The following NAV2 variants were observed in gnomAD, a reference collection of about 807,000 sequenced individuals.
The protein encoded by NAV2 is neuron navigator 2.
In NAV2, 54 loss-of-function variants were observed where a neutral mutation model predicts 223.2. The observed-to-expected ratio is 0.24, with a 90% confidence interval of 0.19 to 0.30. The LOEUF (loss-of-function observed/expected upper bound fraction) is 0.30. NAV2 is among the 10% of genes least tolerant of loss of function. The pLI, the probability that NAV2 is intolerant of heterozygous loss-of-function variation, is 1.00. For missense variants in NAV2, 2,806 were observed against 3,147.5 expected (o/e 0.89, Z 2.60); for synonymous variants, 1,279 against 1,239.3 (o/e 1.03, Z -0.67).
At chr11:19,674,911 G>A (rs2048672850) in intron 1 of NAV2, among the ~76,000 whole-genome samples, 1 of 152,202 alleles carries the variant, frequency 6.6e-6, no homozygotes, top group Admixed American at 6.5e-5. Flanking sequence ...TCTGCAAAAT[G>A]GGGAAATAGT....
At chr11:19,411,218 A>G (rs1468567097) in intron 1 of NAV2, among the ~76,000 whole-genome samples, 1 of 152,106 alleles carries the variant, frequency 6.6e-6, no homozygotes, top group Non-Finnish European at 1.5e-5. Flanking sequence ...GGGGACTACC[A>G]CTGCATTAGC....
chr11:19,718,560 AG>A (rs1300449329), intron 1 of NAV2, among the ~76,000 whole-genome samples: 13 of 152,368 alleles, frequency 8.5e-5, no homozygotes, highest in African/African-American at 3.1e-4. Flanking sequence ...TGTTTTGATT[AG>A]AATCCTTGCT....
chr11:19,708,726 G>C (rs534358586), upstream of NAV2, among the ~76,000 whole-genome samples: 1 of 152,136 alleles, frequency 6.6e-6, no homozygotes, highest in African/African-American at 2.4e-5. Flanking sequence ...AGTCTCTTAG[G>C]ATGATTCAGT....
At chr11:19,817,834 A>C (rs756304413) in intron 1 of NAV2, among the ~76,000 whole-genome samples, 1 of 152,164 alleles carries the variant, frequency 6.6e-6, no homozygotes, top group Non-Finnish European at 1.5e-5. Context: ...CCTACTAGGA[A>C]GCGGAACTTG....
chr11:19,820,770 A>G (rs2896584), intron 1 of NAV2, among the ~76,000 whole-genome samples: 129,683 of 152,134 alleles, frequency 0.85, 55,751 homozygotes, highest in Admixed American at 0.91. Flanking sequence ...TGACAAGGGC[A>G]GCTCTAAATG....
At chr11:19,723,453 T>G (rs929504192) in intron 1 of NAV2, among the ~76,000 whole-genome samples, 7 of 152,166 alleles carry the variant, frequency 4.6e-5, no homozygotes, top group African/African-American at 1.7e-4. Flanking sequence ...ACCACTGCCT[T>G]CTTTTGCCAG....
rs76088545 is a variant in NAV2 at position 19,892,587 on chromosome 11, C to T, written c.924C>T (p.His308=). Residue 308 remains histidine, a synonymous_variant, in exon 6 of 38, where the codon CAC becomes CAT. Coordinates refer to ENST00000349880, the MANE Select transcript of NAV2 (RefSeq NM_145117.5). ...VTSPPPPPSS[H]EKEPLASSAS... ...CCCCACCCCCACCGCCAAGCAGCCACGAGAAAGGTGAGTCACCTTCTTGAG... is the reference window on the plus strand; with the variant it reads ...CCCCACCCCCACCGCCAAGCAGCCATGAGAAAGGTGAGTCACCTTCTTGAG... 356 of 1,613,568 alleles carry T rather than the reference C, an allele frequency of 2.2e-4. No individual in the cohort carries two copies. The African/African-American group carries it at 2.7e-3, about 12-fold the overall frequency.
At chr11:19,539,019 G>C (rs1456581643) in intron 1 of NAV2, among the ~76,000 whole-genome samples, 2 of 152,088 alleles carry the variant, frequency 1.3e-5, no homozygotes, top group Admixed American at 6.5e-5. Context: ...GTAAATGTTT[G>C]CTAACAGTAT....
chr11:19,483,015 T>C (rs2042327549), intron 1 of NAV2, among the ~76,000 whole-genome samples: 1 of 152,232 alleles, frequency 6.6e-6, no homozygotes, highest in Non-Finnish European at 1.5e-5. Flanking sequence ...CCACATCCCA[T>C]GTCTTAAAAT....
At chr11:19,572,450 C>T (rs1332029545) in intron 1 of NAV2, among the ~76,000 whole-genome samples, 1 of 152,176 alleles carries the variant, frequency 6.6e-6, no homozygotes, top group Non-Finnish European at 1.5e-5. Flanking sequence ...AACCTTTCGG[C>T]TTCAATATTT....
At position 20,048,944 on chromosome 11, in the gene NAV2, AG is replaced by A. The variant is rs1459446803; in HGVS notation, c.4120del (p.Ala1374ProfsTer68). ...QSPLASSPSS[A>X]HSAPSNSLTW... ...CTCCGCTAGCCTCCAGCCCCAGCTCAGCCCACTCGGCCCCTTCCAACAGCCT... is the reference window on the plus strand; with the variant it reads ...CTCCGCTAGCCTCCAGCCCCAGCTCACCCACTCGGCCCCTTCCAACAGCCT... On this transcript the variant is annotated frameshift_variant, in exon 15 of 38. Coordinates refer to ENST00000349880, the MANE Select transcript of NAV2 (RefSeq NM_145117.5). LOFTEE classifies it high-confidence loss of function. 6.2e-7 allele frequency: 1 copy of A among 1,614,196 alleles called. No homozygotes were observed. The highest frequency in any genetic ancestry group is 8.5e-7 in the Non-Finnish European group (1 of 1,180,026).
chr11:19,670,389 T>G (rs1455686952), intron 1 of NAV2, among the ~76,000 whole-genome samples: 1 of 152,202 alleles, frequency 6.6e-6, no homozygotes, highest in African/African-American at 2.4e-5. Context: ...CTGCTGCATC[T>G]CCGGGGACTC....
intron 11 of NAV2, among the ~76,000 whole-genome samples, chr11:20,028,252 C>T (rs2055308930): frequency 6.6e-6 from 1 of 152,174 alleles, no homozygotes; most frequent in Non-Finnish European, 1.5e-5. Context: ...TTTAAGCCCT[C>T]TGAGTGGCAT....
At chr11:19,988,486 A>G (rs2051006511) in intron 11 of NAV2, among the ~76,000 whole-genome samples, 1 of 152,210 alleles carries the variant, frequency 6.6e-6, no homozygotes, top group Non-Finnish European at 1.5e-5. Context: ...AACTTGAACA[A>G]AATGAAAATC....
intron 1 of NAV2, among the ~76,000 whole-genome samples, chr11:19,669,844 C>T (rs1455672294): frequency 6.6e-6 from 1 of 152,216 alleles, no homozygotes; most frequent in Non-Finnish European, 1.5e-5. Context: ...TGAGATGGGG[C>T]TCCTTCCTCC....
chr11:19,549,587 G>A (rs539135256), intron 1 of NAV2, among the ~76,000 whole-genome samples: 4 of 152,332 alleles, frequency 2.6e-5, no homozygotes, highest in Admixed American at 2.0e-4. Flanking sequence ...ATGGCAAATG[G>A]ACAGCTAATG....
intron 1 of NAV2, among the ~76,000 whole-genome samples, chr11:19,485,987 C>T (rs2042431837): frequency 6.6e-6 from 1 of 152,174 alleles, no homozygotes; most frequent in Admixed American, 6.5e-5. Flanking sequence ...CCACCATGCA[C>T]CCTCCACCTG....
intron 1 of NAV2, among the ~76,000 whole-genome samples, chr11:19,723,585 C>T (rs376152072): frequency 2.0e-5 from 3 of 152,246 alleles, no homozygotes; most frequent in African/African-American, 7.2e-5. Flanking sequence ...CTGCTTCCCC[C>T]TCGTTGGGGC....
chr11:20,001,511 T>C (rs2052541026), intron 11 of NAV2, among the ~76,000 whole-genome samples: 1 of 152,110 alleles, frequency 6.6e-6, no homozygotes, highest in Non-Finnish European at 1.5e-5. Flanking sequence ...CCAGAGACCT[T>C]GGCTTTTTCA....
Sources: allele counts gnomAD v4.1 joint callset (sites outside exome capture counted in the v4.1 genomes callset), GRCh38; gene constraint gnomAD v4.1.1; transcripts MANE v1.5; gene names NCBI Gene and HGNC (gene_info 2026-07-23, HGNC 2026-07-21).